The following BRAF variants were observed in gnomAD, a reference collection of about 807,000 sequenced individuals.
BRAF encodes serine/threonine-protein kinase B-raf.
Under a neutral mutation model 104.6 loss-of-function variants are expected in BRAF, and 16 were observed. That is an observed-to-expected ratio of 0.15 (90% CI 0.10 to 0.23). BRAF has a LOEUF of 0.23. BRAF is among the 10% of genes least tolerant of loss of function. The pLI is 1.00. For missense variants in BRAF, 541 were observed against 937.3 expected (o/e 0.58, Z 5.52); for synonymous variants, 310 against 341.6 (o/e 0.91, Z 1.02).
At chr7:140,830,777 G>A (rs531469317) in intron 3 of BRAF, among the ~76,000 whole-genome samples, 38 of 152,294 alleles carry the variant, frequency 2.5e-4, no homozygotes, top group African/African-American at 8.9e-4. Context: ...TGGAGGTAGT[G>A]GAAGGTGATG....
At chr7:140,850,234 T>C in intron 1 of BRAF, 22 bp from the exon 2 acceptor site, 1 of 1,536,606 alleles carries the variant, frequency 6.5e-7, no homozygotes, top group African/African-American at 1.4e-5. Context: ...TTCAAAAGAA[T>C]TTAAATAAAA....
chr7:140,897,235 A>G (rs1019637553), intron 1 of BRAF, among the ~76,000 whole-genome samples: 1 of 152,126 alleles, frequency 6.6e-6, no homozygotes, highest in African/African-American at 2.4e-5. Context: ...CAGGTTATAG[A>G]CAAACAGGTT....
At chr7:140,835,429 G>T in intron 2 of BRAF, 1 of 155,606 alleles carries the variant, frequency 6.4e-6, no homozygotes, top group Non-Finnish European at 1.4e-5. Context: ...GGGTTTAGAA[G>T]ATGTGTAACT....
At position 140,724,031 on chromosome 7, in the gene BRAF, T is replaced by A; in HGVS notation, c.*2463A>T. 1.9e-6 allele frequency: 2 copies of A among 1,046,010 alleles called. No individual in the cohort carries two copies. The highest frequency in any genetic ancestry group is 9.2e-5 in the South Asian group (2 of 21,792). The allele number at this position is 1,046,010 out of a possible 1,614,324, so 64.8% of individuals were successfully genotyped here. ...TTATTTTTTAAGGTATCTATAAAAA[T>A]CTCAATATGCTAAGCCTGGCTCCTG... On this transcript the variant is annotated 3_prime_UTR_variant, in exon 20 of 20. Transcript: ENST00000644969.
chr7:140,803,341 G>C (rs1230298120), intron 5 of BRAF, among the ~76,000 whole-genome samples: 1 of 152,086 alleles, frequency 6.6e-6, no homozygotes, highest in Non-Finnish European at 1.5e-5. Flanking sequence ...GAGGGAGAGA[G>C]ACTATAAATA....
intron 3 of BRAF, among the ~76,000 whole-genome samples, chr7:140,815,278 C>T (rs577086777): frequency 6.6e-6 from 1 of 152,042 alleles, no homozygotes; most frequent in East Asian, 1.9e-4. Flanking sequence ...GCTGGGACTA[C>T]AGGTGTCTGC....
intron 11 of BRAF, 21 bp from the exon 11 acceptor site, chr7:140,781,714 A>G (rs745445723): frequency 2.2e-5 from 35 of 1,593,678 alleles, no homozygotes; most frequent in Non-Finnish European, 2.8e-5. Flanking sequence ...ACAGTAAAAA[A>G]GTCAAGTCAA....
chr7:140,729,434 CAGG>C lies in BRAF; in HGVS notation c.2402-2921_2402-2919del, dbSNP rs577398001. Among the ~76,000 whole-genome samples, 46 of 151,970 alleles carry C rather than the reference CAGG, an allele frequency of 3.0e-4. 1 individual carries two copies. The highest frequency in any genetic ancestry group is 1.3e-4 in the Non-Finnish European group (9 of 67,996). The stretch of plus-strand genomic sequence containing the variant: ...CGGAGGAGGGTGGATCATCTGAGGC[CAGG>C]AGTTCAAGACCAGCCTGGCCAACAT... On this transcript the variant is annotated intron_variant, in intron 19 of 19. Transcript: ENST00000644969.
chr7:140,831,201 T>C (rs1410251960), intron 3 of BRAF, among the ~76,000 whole-genome samples: 2 of 152,194 alleles, frequency 1.3e-5, no homozygotes, highest in African/African-American at 4.8e-5. Flanking sequence ...TGGAGATTGC[T>C]TGGTGGGGAA....
chr7:140,780,822 A>C (rs1230321281), intron 12 of BRAF: 1 of 152,240 alleles, frequency 6.6e-6, no homozygotes, highest in South Asian at 2.1e-4. Flanking sequence ...CAATTTAAAA[A>C]GATTTTGTCC....
chr7:140,841,453 G>T (rs1807957347), intron 2 of BRAF, among the ~76,000 whole-genome samples: 1 of 152,100 alleles, frequency 6.6e-6, no homozygotes, highest in Non-Finnish European at 1.5e-5. Context: ...GTTCATGGTG[G>T]CATTATTCAT....
chr7:140,820,464 A>G (rs753221933), intron 3 of BRAF, among the ~76,000 whole-genome samples: 8 of 152,156 alleles, frequency 5.3e-5, no homozygotes. Flanking sequence ...AGATACAACT[A>G]CTCTAAACAA....
At chr7:140,917,123 C>T (rs185556111) in intron 1 of BRAF, among the ~76,000 whole-genome samples, 86 of 152,304 alleles carry the variant, frequency 5.6e-4, no homozygotes, top group African/African-American at 1.9e-3. Context: ...TGCAATGACG[C>T]GATCTCGGCT....
At chr7:140,837,810 T>C (rs570831980) in intron 2 of BRAF, among the ~76,000 whole-genome samples, 87 of 152,328 alleles carry the variant, frequency 5.7e-4, no homozygotes, top group Non-Finnish European at 1.0e-3. Flanking sequence ...GAAAATAACA[T>C]TACCTTCAAA....
At chr7:140,858,684 A>G (rs1810070884) in intron 1 of BRAF, among the ~76,000 whole-genome samples, 1 of 152,232 alleles carries the variant, frequency 6.6e-6, no homozygotes, top group Non-Finnish European at 1.5e-5. Context: ...TATCAGATGT[A>G]AGATGATAGA....
At chr7:140,876,791 C>G (rs1341921422) in intron 1 of BRAF, among the ~76,000 whole-genome samples, 1 of 149,486 alleles carries the variant, frequency 6.7e-6, no homozygotes, top group Non-Finnish European at 1.5e-5. Flanking sequence ...CATCAATCCA[C>G]CTGATCTGAT....
chr7:140,782,103 C>T (rs565293801), intron 11 of BRAF, among the ~76,000 whole-genome samples: 15 of 152,114 alleles, frequency 9.9e-5, no homozygotes, highest in Admixed American at 7.2e-4. Context: ...TGTTCCCTGC[C>T]CTGTGTCCAA....
chr7:140,782,781 T>C (rs1407300426), intron 11 of BRAF, among the ~76,000 whole-genome samples: 1 of 152,212 alleles, frequency 6.6e-6, no homozygotes, highest in Admixed American at 6.5e-5. Context: ...TTCCTTACTT[T>C]AGAACAGAAT....
intron 2 of BRAF, among the ~76,000 whole-genome samples, chr7:140,837,258 G>A (rs953469922): frequency 1.3e-5 from 2 of 152,032 alleles, no homozygotes; most frequent in Admixed American, 6.6e-5. Flanking sequence ...TTTAAGACCC[G>A]GAGAAGCATC....
Sources: allele counts gnomAD v4.1 joint callset (sites outside exome capture counted in the v4.1 genomes callset), GRCh38; gene constraint gnomAD v4.1.1; transcripts MANE v1.5; gene names NCBI Gene and HGNC (gene_info 2026-07-23, HGNC 2026-07-21).